The following DHX30 variants were observed in gnomAD, a reference collection of about 807,000 sequenced individuals.
The protein encoded by DHX30 is ATP-dependent RNA helicase DHX30.
DHX30 carries 4 observed loss-of-function variants against 116.9 expected under a neutral mutation model. That is an observed-to-expected ratio of 0.03 (90% CI 0.02 to 0.08). The LOEUF is 0.08. Among genes scored for constraint, DHX30 ranks in the 10% least tolerant of loss-of-function variants. The pLI is 1.00. For missense variants in DHX30, 871 were observed against 1,595.1 expected, an observed-to-expected ratio of 0.55 and a Z score of 7.73; for synonymous variants, 697 against 651.7, an observed-to-expected ratio of 1.07 and a Z score of -1.06.
At chr3:47,842,778 T>G in intron 8 of DHX30, 1 of 231,418 alleles carries the variant, frequency 4.3e-6, no homozygotes, top group Non-Finnish European at 8.5e-6. Flanking sequence ...TGTGCCTGGT[T>G]TTTAGCTCAT....
rs565426335 is a variant in DHX30 at position 47,835,510 on chromosome 3, G to A, written c.367-5367G>A. On this transcript the variant is annotated intron_variant, in intron 6 of 21. Transcript: ENST00000445061. ...AGTACAGATGGGGTTTCACCATGTT[G>A]GCTAGGCTGGTCTCGAACTCCTGAC... Among the ~76,000 whole-genome samples the A allele has an allele frequency of 2.6e-5, 4 of 151,400 alleles. No individual in the cohort carries two copies. In the East Asian group the frequency reaches 5.8e-4, roughly 22 times the overall value.
chr3:47,829,916 C>A (rs2036760605), intron 6 of DHX30, among the ~76,000 whole-genome samples: 1 of 151,612 alleles, frequency 6.6e-6, no homozygotes, highest in Non-Finnish European at 1.5e-5. Flanking sequence ...ACTGCAAGCT[C>A]TGCCTCCCGG....
Position 47,846,603 on chromosome 3 carries a change from C to A in DHX30, c.1531C>A (p.Leu511Met). 6.2e-7 allele frequency: 1 copy of A among 1,614,112 alleles called. No homozygotes were observed. The highest frequency in any genetic ancestry group is 8.5e-7 in the Non-Finnish European group (1 of 1,180,028). Residue 511 changes from leucine (L) to methionine (M), a missense_variant, in exon 11 of 22, where the codon CTG (leucine) becomes ATG (methionine). Physicochemically the swap from Leu to Met is conservative, Grantham distance 15 (BLOSUM62 2). This residue lies in a region of DHX30 where 63 missense variants were observed against 180.6 expected (regional missense o/e 0.35). Coordinates refer to ENST00000445061, the MANE Select transcript of DHX30 (RefSeq NM_138615.3). Reference protein sequence around the residue: ...QRVSHELGPSLRRNVGFQVRL... With the variant: ...QRVSHELGPSMRRNVGFQVRL... ...GGTCAGCCACGAACTGGGCCCCTCC[C>A]TGCGCCGGAATGTGGGCTTCCAGGT...
intron 3 of DHX30, chr3:47,816,474 C>T (rs924578453): frequency 1.0e-6 from 1 of 967,034 alleles, no homozygotes; most frequent in Non-Finnish European, 1.2e-6. Flanking sequence ...TCTCGTGCCT[C>T]AGCCTCCTGA....
Position 47,841,123 on chromosome 3 carries a change from A to T in DHX30, c.613A>T (p.Thr205Ser). ...GCTAGAAGAAGGGACCATAGATGTT[A>T]CCGACTTCTTGTCCATGACCCAGCA... ...EELEEGTIDVTDFLSMTQQDS... is the reference protein window; with the variant it reads ...EELEEGTIDVSDFLSMTQQDS... The change falls in exon 7 of 22, where the codon ACC becomes TCC. Residue 205 changes from threonine to serine, a missense_variant. Around this residue, in one of 13 missense-constraint regions of DHX30, gnomAD observed 109 missense variants for 118.8 expected, o/e 0.92. Transcript: ENST00000445061. 6.2e-7 allele frequency: 1 copy of T among 1,614,188 alleles called. No individual in the cohort carries two copies.
At chr3:47,817,360 T>A (rs1286124309) in intron 3 of DHX30, among the ~76,000 whole-genome samples, 1 of 152,232 alleles carries the variant, frequency 6.6e-6, no homozygotes. Context: ...TTTTCGTTCA[T>A]GTACCTCAAG....
rs767490743 is a variant in DHX30 at position 47,847,764 on chromosome 3, T to A, written c.2111-17T>A. The A allele has an allele frequency of 6.2e-7, 1 of 1,609,356 alleles. No homozygotes were observed. The highest frequency in any genetic ancestry group is 8.5e-7 in the Non-Finnish European group (1 of 1,176,616). ...GTGGAAGCAGTGCCCATAACTGGTG[T>A]GTGTCTTGCCCACCAGTGCACTCCA... On this transcript the variant is annotated splice_polypyrimidine_tract_variant and intron_variant, in intron 13 of 21. Coordinates refer to ENST00000445061, the MANE Select transcript of DHX30 (RefSeq NM_138615.3). The surrounding 1 kb of genome is among the most constrained non-coding windows in gnomAD (Gnocchi z 5.5).
In DHX30 at chr3:47,847,158, C is replaced by G. The variant is rs762465516; in HGVS notation, c.1930-115C>G. 93 of 1,489,796 alleles carry G rather than the reference C, an allele frequency of 6.2e-5. 3 individuals are homozygous for G. In the Admixed American group the frequency reaches 1.4e-3, roughly 22 times the overall value. The allele number at this position is 1,489,796 out of a possible 1,614,324, so 92.3% of individuals were successfully genotyped here. A position where few individuals can be genotyped will look rare whatever the true frequency, so the allele number is the denominator to read the frequency against. The stretch of plus-strand genomic sequence containing the variant: ...GGACTAACCCTGCCTGCGTGGCACA[C>G]GTGAGGATTGGAGTTGATGTCAAGC... On this transcript the variant is annotated intron_variant, in intron 11 of 21. Transcript: ENST00000445061. This position sits in a 1 kb window ranked among gnomAD's most constrained non-coding sequence, Gnocchi z 5.5.
intron 4 of DHX30, among the ~76,000 whole-genome samples, chr3:47,824,282 C>T (rs1345704730): frequency 6.6e-6 from 1 of 152,070 alleles, no homozygotes; most frequent in Non-Finnish European, 1.5e-5. Flanking sequence ...GGATTACAGG[C>T]GTGAGCCACT....
intron 5 of DHX30, among the ~76,000 whole-genome samples, chr3:47,828,510 GC>G (rs1342149488): frequency 2.3e-4 from 34 of 150,726 alleles, no homozygotes; most frequent in East Asian, 1.8e-3. Flanking sequence ...GGTGGCTCAT[GC>G]CTGTAATCCC....
chr3:47,833,369 A>G (rs2036948183), intron 6 of DHX30, among the ~76,000 whole-genome samples: 1 of 151,474 alleles, frequency 6.6e-6, no homozygotes, highest in African/African-American at 2.4e-5. Flanking sequence ...TGTATTTTAT[A>G]AAAAATACAA....
At chr3:47,832,230 C>T (rs981560277) in intron 6 of DHX30, among the ~76,000 whole-genome samples, 2 of 151,908 alleles carry the variant, frequency 1.3e-5, no homozygotes. Flanking sequence ...TCTGTATCCC[C>T]ACAGTGCTCT....
chr3:47,832,850 G>A (rs1270729003), intron 6 of DHX30, among the ~76,000 whole-genome samples: 1 of 151,670 alleles, frequency 6.6e-6, no homozygotes, highest in Non-Finnish European at 1.5e-5. Context: ...TGTTGGCCAG[G>A]CTGGTCTCAA....
intron 4 of DHX30, among the ~76,000 whole-genome samples, chr3:47,819,499 G>A (rs1369336529): frequency 6.6e-6 from 1 of 152,184 alleles, no homozygotes; most frequent in Non-Finnish European, 1.5e-5. Flanking sequence ...GCCTCCAGGA[G>A]GCATCCGTGG....
In DHX30 at chr3:47,805,350, G is replaced by T. The variant is rs1327531244; in HGVS notation, c.-98G>T. The T allele has an allele frequency of 2.5e-6, 1 of 399,062 alleles. No homozygotes were observed. The highest frequency in any genetic ancestry group is 3.6e-5 in the East Asian group (1 of 28,080). 24.7% of individuals were successfully genotyped at this position (399,062 alleles called of 1,614,324 possible). On this transcript the variant is annotated 5_prime_UTR_variant, in exon 2 of 22. Transcript: ENST00000445061. ...GGAGGAGGCCCAGCCTCGTGATGAGGAATAGCAAGGAGAGAATTCAGCTCC... is the reference window on the plus strand; with the variant it reads ...GGAGGAGGCCCAGCCTCGTGATGAGTAATAGCAAGGAGAGAATTCAGCTCC...
chr3:47,845,138 G>A (rs768791756), intron 9 of DHX30, among the ~76,000 whole-genome samples: 4 of 152,132 alleles, frequency 2.6e-5, no homozygotes, highest in Admixed American at 6.6e-5. Context: ...TTCTCCAGAC[G>A]TAGGGCTGTT....
At position 47,838,402 on chromosome 3, in the gene DHX30, T is replaced by C. The variant is rs528107852; in HGVS notation, c.367-2475T>C. Among the ~76,000 whole-genome samples the C allele has an allele frequency of 3.1e-4, 47 of 152,362 alleles. No individual in the cohort carries two copies. The South Asian group carries it at 9.1e-3, about 30-fold the overall frequency. On this transcript the variant is annotated intron_variant, in intron 6 of 21. Coordinates refer to ENST00000445061, the MANE Select transcript of DHX30 (RefSeq NM_138615.3). ...AAAAGTTCTATCATCCAGGAACATA[T>C]ATCTCCATGGATTTACATCCTTTTG... is the stretch of plus-strand genomic sequence containing the variant.
At chr3:47,845,666 G>T in intron 9 of DHX30, 34 bp from the exon 10 acceptor site, 2 of 1,538,444 alleles carry the variant, frequency 1.3e-6, no homozygotes, top group South Asian at 1.2e-5. Context: ...GGGAGCCCCA[G>T]AGCATAGACT....
At chr3:47,813,578 G>T (rs1303303065) in intron 3 of DHX30, among the ~76,000 whole-genome samples, 1 of 152,170 alleles carries the variant, frequency 6.6e-6, no homozygotes, top group Non-Finnish European at 1.5e-5. Context: ...AGGGCCTGTA[G>T]CCCGTGTTGA....
Sources: gnomAD v4.1 joint callset for allele counts (sites outside exome capture counted in the v4.1 genomes callset) on GRCh38, gnomAD v4.1.1 for gene constraint, gnomAD v4.1.1 regional missense constraint, Gnocchi (gnomAD v3.1) non-coding constraint, MANE v1.5 for transcripts, NCBI Gene and HGNC (gene_info 2026-07-23, HGNC 2026-07-21) for gene names.